Variants in B3GLCT observed in about 807,000 individuals in gnomAD.
B3GLCT encodes beta 3-glucosyltransferase.
In B3GLCT, 65 loss-of-function variants were observed where a neutral mutation model predicts 63.4. The observed-to-expected ratio is 1.03, with a 90% CI of 0.84 to 1.26. B3GLCT has a LOEUF of 1.26. Ranked by LOEUF, B3GLCT falls within the 50% of genes most tolerant of loss-of-function variation. The probability of loss-of-function intolerance (pLI) is 0.00; values close to 1 mark genes in which losing one functional copy is unlikely to be tolerated. For synonymous variants in B3GLCT, 233 were observed against 219.2 expected (o/e 1.06, Z -0.55); for missense variants, 577 against 604.8 (o/e 0.95, Z 0.48).
At position 31,245,321 on chromosome 13, in the gene B3GLCT, A is replaced by G. The variant is rs369073750; in HGVS notation, c.271-1702A>G. On this transcript the variant is annotated intron_variant, in intron 4 of 14. Transcript: ENST00000343307. ...TGATATTACATTATATATATATCCT[A>G]TAACTAGGAAGTATAATACTTGTTT... is the stretch of plus-strand genomic sequence containing the variant. Among the ~76,000 whole-genome samples the G allele has an allele frequency of 9.2e-5, 14 of 152,216 alleles. No homozygotes were observed. In the East Asian group the frequency reaches 2.5e-3, roughly 27 times the overall value.
At chr13:31,280,807 A>G (rs1385531854) in intron 10 of B3GLCT, among the ~76,000 whole-genome samples, 1 of 152,194 alleles carries the variant, frequency 6.6e-6, no homozygotes, top group East Asian at 1.9e-4. Flanking sequence ...CAACAAGCAA[A>G]AATATACTCT....
intron 4 of B3GLCT, among the ~76,000 whole-genome samples, chr13:31,239,868 C>T (rs1331195101): frequency 6.6e-6 from 1 of 152,130 alleles, no homozygotes; most frequent in Admixed American, 6.5e-5. Context: ...AGCATAATTG[C>T]ATTGCTTTCA....
rs184320098 is a variant in B3GLCT, at chr13:31,218,617, A to G, written c.120+3517A>G. Among the ~76,000 whole-genome samples the G allele has an allele frequency of 9.8e-4, 149 of 152,316 alleles. 1 individual carries two copies. Among genetic ancestry groups the G allele is most frequent in the Admixed American group, 9.7e-3 (148 of 15,298 alleles). On this transcript the variant is annotated intron_variant, in intron 2 of 14. Coordinates refer to ENST00000343307, the MANE Select transcript of B3GLCT (RefSeq NM_194318.4). ...CTGAAGATTATTAGAGATCTTTTCT[A>G]GGTATAGTATCTTACTGTCTGTGAA... is the stretch of plus-strand genomic sequence containing the variant.
chr13:31,315,211 T>A (rs146665171), intron 12 of B3GLCT, among the ~76,000 whole-genome samples: 2 of 152,144 alleles, frequency 1.3e-5, no homozygotes, highest in East Asian at 3.9e-4. Flanking sequence ...TGGAACTGGG[T>A]AACAGGCAGA....
chr13:31,263,628 G>A (rs142690633), intron 7 of B3GLCT, among the ~76,000 whole-genome samples: 7 of 152,274 alleles, frequency 4.6e-5, no homozygotes, highest in East Asian at 1.9e-4. Context: ...TGCAGGTTGT[G>A]CACTAGCTGA....
intron 2 of B3GLCT, 62 bp downstream of exon 2, chr13:31,215,162 T>G: frequency 7.1e-7 from 1 of 1,400,820 alleles, no homozygotes; most frequent in Non-Finnish European, 1.0e-6. Context: ...TTTTCTCTGA[T>G]AGGAATAGTA....
intron 7 of B3GLCT, among the ~76,000 whole-genome samples, chr13:31,268,572 G>C (rs537113313): frequency 1.3e-5 from 2 of 152,154 alleles, no homozygotes; most frequent in Non-Finnish European, 2.9e-5. Context: ...CTCAGTAAAG[G>C]TTGGGTACAG....
At chr13:31,284,793 A>G in intron 11 of B3GLCT, 32 bp downstream of exon 11, 1 of 1,111,958 alleles carries the variant, frequency 9.0e-7, no homozygotes, top group Non-Finnish European at 1.4e-6. Flanking sequence ...TCTCCTTATT[A>G]AACATTGCCA....
chr13:31,274,746 G>C, intron 9 of B3GLCT, 118 bp downstream of exon 9: 2 of 1,289,810 alleles, frequency 1.6e-6, no homozygotes, highest in Middle Eastern at 2.3e-4. Flanking sequence ...GTGCAAGTTG[G>C]TTATAAGGGT....
intron 6 of B3GLCT, among the ~76,000 whole-genome samples, chr13:31,259,600 A>G (rs944758695): frequency 2.0e-5 from 3 of 151,614 alleles, no homozygotes; most frequent in Admixed American, 2.0e-4. Flanking sequence ...TGCATGCGGC[A>G]TCTTGGGACC....
intron 12 of B3GLCT, among the ~76,000 whole-genome samples, chr13:31,301,402 ATATCTTCT>A: frequency 6.6e-6 from 1 of 152,240 alleles, no homozygotes; most frequent in East Asian, 1.9e-4. Context: ...AAGGATTTAC[ATATCTTCT>A]GTTTTACAGT....
intron 5 of B3GLCT, among the ~76,000 whole-genome samples, chr13:31,247,381 A>G (rs1187948272): frequency 2.0e-5 from 3 of 152,006 alleles, no homozygotes; most frequent in South Asian, 2.1e-4. Flanking sequence ...GGTTCAAGCA[A>G]TTCCCTGCCT....
chr13:31,269,651 A>T lies in B3GLCT; in HGVS notation c.660+374A>T, dbSNP rs1461224790. Among the ~76,000 whole-genome samples the T allele has an allele frequency of 2.7e-5, 4 of 149,092 alleles. No individual in the cohort carries two copies. The South Asian group carries it at 6.5e-4, about 24-fold the overall frequency. ...TGAATGATCATGTCCCCGCCCCCCT[A>T]ATTCATACCTTGAAACCTGAGCCCC... On this transcript the variant is annotated intron_variant, in intron 8 of 14. Coordinates refer to ENST00000343307, the MANE Select transcript of B3GLCT (RefSeq NM_194318.4).
Position 31,323,901 on chromosome 13 carries a change from GA to G in B3GLCT, c.1329+9del, listed in dbSNP as rs1566100027. 6.2e-7 allele frequency: 1 copy of G among 1,614,090 alleles called. No homozygotes were observed. Among genetic ancestry groups the G allele is most frequent in the South Asian group, 1.1e-5 (1 of 91,086 alleles). On this transcript the variant is annotated splice_region_variant and intron_variant, in intron 14 of 14. Transcript: ENST00000343307. ...ACAGCCCTCTCTTCCATCAGGTGAG[GA>G]AATGGTTTTTATTCTTCCCTCATGG...
rs1181269526 is a variant in B3GLCT, at chr13:31,229,275, A to G, written c.251A>G (p.Gln84Arg). Residue 84 changes from glutamine to arginine, a missense_variant, in exon 4 of 15, where the codon CAG (glutamine) becomes CGG (arginine). Physicochemically the swap from Gln to Arg is conservative, Grantham distance 43. Coordinates refer to ENST00000343307, the MANE Select transcript of B3GLCT (RefSeq NM_194318.4). ...AEQLKKSILK[Q>R]AADLTQELPS... is the part of the protein sequence containing the mutation. ...CAGTTAAAAAAAAGCATCTTAAAGC[A>G]GGCTGCAGATCTTACACAGGTACGT... 1 of 1,610,284 alleles carries G rather than the reference A, an allele frequency of 6.2e-7. No homozygotes were observed. The highest frequency in any genetic ancestry group is 8.5e-7 in the Non-Finnish European group (1 of 1,176,450).
At chr13:31,293,631 T>C (rs887369038) in intron 12 of B3GLCT, among the ~76,000 whole-genome samples, 2 of 152,102 alleles carry the variant, frequency 1.3e-5, no homozygotes, top group Non-Finnish European at 1.5e-5. Context: ...CAACCCTTGC[T>C]CTCTTTTTTT....
At chr13:31,231,435 A>T (rs1402345128) in intron 4 of B3GLCT, among the ~76,000 whole-genome samples, 1 of 152,140 alleles carries the variant, frequency 6.6e-6, no homozygotes, top group Admixed American at 6.5e-5. Flanking sequence ...TTTTTAGATT[A>T]TGTATCTTCC....
chr13:31,289,417 G>A (rs2137885635), intron 12 of B3GLCT, among the ~76,000 whole-genome samples: 1 of 152,116 alleles, frequency 6.6e-6, no homozygotes, highest in African/African-American at 2.4e-5. Context: ...TAAATACATT[G>A]AAAAAAGGAC....
intron 12 of B3GLCT, among the ~76,000 whole-genome samples, chr13:31,295,859 G>C (rs1471380854): frequency 6.6e-6 from 1 of 152,166 alleles, no homozygotes; most frequent in African/African-American, 2.4e-5. Flanking sequence ...CACCACTGGG[G>C]TATAAAAAAA....
Sources: allele counts gnomAD v4.1 joint callset (sites outside exome capture counted in the v4.1 genomes callset), GRCh38; gene constraint gnomAD v4.1.1; transcripts MANE v1.5; gene names NCBI Gene and HGNC (gene_info 2026-07-23, HGNC 2026-07-21).